The following SAP30BP variants were observed in gnomAD, a reference collection of about 807,000 sequenced individuals.
SAP30BP encodes the protein SAP30-binding protein.
In SAP30BP, 31 loss-of-function variants were observed where a neutral mutation model predicts 46.3. The ratio of observed to expected loss-of-function variants is 0.67; its 90% CI spans 0.50 to 0.90. The LOEUF is 0.90. Among genes scored for constraint, SAP30BP ranks in the 40% least tolerant of loss-of-function variants. The pLI, the probability that SAP30BP is intolerant of heterozygous loss-of-function variation, is 0.00. For missense variants in SAP30BP, 312 were observed against 391.0 expected (o/e 0.80, Z 1.70); for synonymous variants, 169 against 144.2 (o/e 1.17, Z -1.23).
At chr17:75,679,928 C>G (rs2060050552) in intron 3 of SAP30BP, 1 of 152,254 alleles carries the variant, frequency 6.6e-6, no homozygotes, top group Non-Finnish European at 1.5e-5. Context: ...CGCCACTCTC[C>G]TTTGTCCATT....
intron 3 of SAP30BP, among the ~76,000 whole-genome samples, chr17:75,675,015 G>A (rs2059969407): frequency 6.6e-6 from 1 of 152,064 alleles, no homozygotes; most frequent in African/African-American, 2.4e-5. Flanking sequence ...CATGAACATA[G>A]GAAGTTTCTA....
rs1354866440 is a variant in SAP30BP at position 75,674,696 on chromosome 17, TG to T, written c.264+2834del. ...ATATGAAGTTTTTTTGTTTGTTTTT[TG>T]TTTTTTTTTTTTTTTTTTTTTTTTT... On this transcript the variant is annotated intron_variant, in intron 3 of 10. Coordinates refer to ENST00000584667, the MANE Select transcript of SAP30BP (RefSeq NM_013260.8). Among the ~76,000 whole-genome samples, 93 of 66,116 alleles carry T rather than the reference TG, an allele frequency of 1.4e-3. 6 individuals carry two copies. The highest frequency in any genetic ancestry group is 2.3e-3 in the African/African-American group (48 of 21,070). 43.4% of individuals were successfully genotyped at this position (66,116 alleles called of 152,430 possible). A position where few individuals can be genotyped will look rare whatever the true frequency, so the allele number is the denominator to read the frequency against.
chr17:75,704,746 G>A lies in SAP30BP; in HGVS notation c.602-10G>A, dbSNP rs754012041. 3 of 1,612,638 alleles carry A rather than the reference G, an allele frequency of 1.9e-6. No homozygotes were observed. Among genetic ancestry groups the A allele is most frequent in the South Asian group, 2.2e-5 (2 of 91,060 alleles). On this transcript the variant is annotated splice_polypyrimidine_tract_variant and intron_variant, in intron 8 of 10. Coordinates refer to ENST00000584667, the MANE Select transcript of SAP30BP (RefSeq NM_013260.8). ...GGCCACCTTTGTAACAGCTTCTCTT[G>A]TCTTCATAGCCAAGGCCCAGAAAAT...
At position 75,703,186 on chromosome 17, in the gene SAP30BP, C is replaced by G; in HGVS notation, c.489-125C>G. 8.2e-6 allele frequency: 7 copies of G among 857,854 alleles called. No individual in the cohort carries two copies. In the South Asian group the frequency reaches 1.1e-4, roughly 13 times the overall value. The allele number at this position is 857,854 out of a possible 1,614,324, so 53.1% of individuals were successfully genotyped here. On this transcript the variant is annotated intron_variant, in intron 6 of 10. Coordinates refer to ENST00000584667, the MANE Select transcript of SAP30BP (RefSeq NM_013260.8). ...GAGTGGAGGGCCATCAGGAAGCTTG[C>G]TTAGAGCAGCTGAGCTGGATTTAAA... is the stretch of plus-strand genomic sequence containing the variant.
intron 3 of SAP30BP, chr17:75,684,324 G>A (rs1186487782): frequency 6.6e-6 from 1 of 152,272 alleles, no homozygotes; most frequent in East Asian, 1.9e-4. Context: ...GGTGTCATGT[G>A]GGGTGCTATG....
intron 5 of SAP30BP, among the ~76,000 whole-genome samples, chr17:75,700,753 G>A (rs1368320142): frequency 6.6e-6 from 1 of 152,130 alleles, no homozygotes; most frequent in Non-Finnish European, 1.5e-5. Flanking sequence ...GTCACCCTCC[G>A]TGCCAGACAA....
chr17:75,682,790 C>T (rs1442836999), intron 3 of SAP30BP, among the ~76,000 whole-genome samples: 1 of 151,202 alleles, frequency 6.6e-6, no homozygotes, highest in East Asian at 2.1e-4. Context: ...AGTGAAACCC[C>T]CATCTCTACT....
chr17:75,702,668 C>G, intron 6 of SAP30BP, 97 bp downstream of exon 6: 1 of 583,170 alleles, frequency 1.7e-6, no homozygotes, highest in East Asian at 2.9e-5. Context: ...AGCCCAGAGC[C>G]CAAACCATCA....
chr17:75,692,667 C>T, intron 3 of SAP30BP: 1 of 232,572 alleles, frequency 4.3e-6, no homozygotes, highest in Non-Finnish European at 7.1e-6. Flanking sequence ...CAGAAAACGT[C>T]TAAGAAGCCT....
rs560374427 is a variant in SAP30BP at position 75,702,162 on chromosome 17, A to G, written c.397-318A>G. On this transcript the variant is annotated intron_variant, in intron 5 of 10. Coordinates refer to ENST00000584667, the MANE Select transcript of SAP30BP (RefSeq NM_013260.8). ...CTTAGCTTCCCAAGTAGCTGGGACT[A>G]CAGGCTTGCCCCACCACACCCAGCT... Among the ~76,000 whole-genome samples the G allele has an allele frequency of 1.5e-4, 23 of 152,298 alleles. 1 individual carries two copies. The South Asian group carries it at 3.5e-3, about 23-fold the overall frequency.
At chr17:75,703,995 G>A in intron 8 of SAP30BP, 136 bp downstream of exon 8, 4 of 740,310 alleles carry the variant, frequency 5.4e-6, no homozygotes, top group Non-Finnish European at 9.7e-6. Context: ...GCTGGGTACA[G>A]GCCTGAATGA....
At chr17:75,676,384 C>T (rs1192061382) in intron 3 of SAP30BP, among the ~76,000 whole-genome samples, 2 of 152,228 alleles carry the variant, frequency 1.3e-5, no homozygotes, top group African/African-American at 4.8e-5. Context: ...TCACTAATCT[C>T]ATCAGAAAAT....
intron 3 of SAP30BP, among the ~76,000 whole-genome samples, chr17:75,690,134 A>T (rs967732832): frequency 5.9e-5 from 9 of 152,246 alleles, no homozygotes; most frequent in East Asian, 1.9e-4. Context: ...ACTTTTTTTT[A>T]AATTATAAAA....
intron 3 of SAP30BP, among the ~76,000 whole-genome samples, chr17:75,674,703 T>TG (rs56193521): frequency 0.41 from 34,574 of 83,894 alleles, 5,898 homozygotes; most frequent in Non-Finnish European, 0.48. Context: ...TTTTGTTTTT[T>TG]TTTTTTTTTT....
At chr17:75,693,752 C>A (rs1445686587) in intron 4 of SAP30BP, among the ~76,000 whole-genome samples, 1 of 152,212 alleles carries the variant, frequency 6.6e-6, no homozygotes, top group African/African-American at 2.4e-5. Flanking sequence ...GGGCACTCAG[C>A]TGGGAGCGTG....
chr17:75,680,442 T>TG (rs1229510766), intron 3 of SAP30BP, among the ~76,000 whole-genome samples: 1 of 152,216 alleles, frequency 6.6e-6, no homozygotes, highest in Non-Finnish European at 1.5e-5. Flanking sequence ...GGTTGTGCCC[T>TG]GGCCTGGCTT....
rs1171586926 is a variant in SAP30BP, at chr17:75,706,667, A to G, written c.*146A>G. The stretch of plus-strand genomic sequence containing the variant: ...GCTTCTGTTTGGCATTCCAGATGGA[A>G]GGACAGGCAGCACGGGAGCCAGGCG... On this transcript the variant is annotated 3_prime_UTR_variant, in exon 11 of 11. Transcript: ENST00000584667. The surrounding 1 kb of genome is among the most constrained non-coding windows in gnomAD (Gnocchi z 4.6). 8 of 734,994 alleles carry G rather than the reference A, an allele frequency of 1.1e-5. No homozygotes were observed. Among genetic ancestry groups the G allele is most frequent in the Admixed American group, 2.8e-5 (1 of 35,688 alleles). 45.5% of individuals were successfully genotyped at this position (734,994 alleles called of 1,614,324 possible). A position where few individuals can be genotyped will look rare whatever the true frequency, so the allele number is the denominator to read the frequency against.
At chr17:75,682,868 C>T (rs530039205) in intron 3 of SAP30BP, among the ~76,000 whole-genome samples, 21 of 148,250 alleles carry the variant, frequency 1.4e-4, no homozygotes, top group African/African-American at 5.2e-4. Flanking sequence ...GAGGCTGAGG[C>T]AGGAGAATCA....
rs1287087489 is a variant in SAP30BP at position 75,674,690 on chromosome 17, G to GTTTTTTTTTTTTTTTTT, written c.264+2833_264+2834insTTTTTTTTTTTTTTTTT. The stretch of plus-strand genomic sequence containing the variant: ...TTAAGCATATGAAGTTTTTTTGTTT[G>GTTTTTTTTTTTTTTTTT]TTTTTTGTTTTTTTTTTTTTTTTTT... On this transcript the variant is annotated intron_variant, in intron 3 of 10. Transcript: ENST00000584667. Among the ~76,000 whole-genome samples, 40 of 39,566 alleles carry GTTTTTTTTTTTTTTTTT rather than the reference G, an allele frequency of 1.0e-3. 7 individuals are homozygous for GTTTTTTTTTTTTTTTTT. The highest frequency in any genetic ancestry group is 1.5e-3 in the African/African-American group (23 of 15,086). 26.0% of individuals were successfully genotyped at this position (39,566 alleles called of 152,430 possible).
Sources: allele counts gnomAD v4.1 joint callset (sites outside exome capture counted in the v4.1 genomes callset), GRCh38; gene constraint gnomAD v4.1.1; non-coding constraint Gnocchi (gnomAD v3.1); transcripts MANE v1.5; gene names NCBI Gene and HGNC (gene_info 2026-07-23, HGNC 2026-07-21).